UBE2G1: variants seen among roughly 807,000 people sequenced by gnomAD.
The protein encoded by UBE2G1 is ubiquitin conjugating enzyme E2 G1.
A neutral mutation model predicts 22.7 loss-of-function variants in UBE2G1; 5 were observed. That is an observed-to-expected ratio of 0.22 (90% CI 0.12 to 0.46). The LOEUF (loss-of-function observed/expected upper bound fraction) is 0.46, where lower values mean the gene tolerates loss of function less well. UBE2G1 is among the 20% of genes least tolerant of loss of function. The pLI is 0.99. For synonymous variants in UBE2G1, 74 were observed against 67.5 expected (o/e 1.10, Z -0.47); for missense variants, 88 against 203.9 (o/e 0.43, Z 3.46).
rs1266574152 is a variant in UBE2G1 at position 4,274,478 on chromosome 17, T to G, written c.*38-1962A>C. On this transcript the variant is annotated intron_variant, in intron 5 of 5. Coordinates refer to ENST00000396981, the MANE Select transcript of UBE2G1 (RefSeq NM_003342.5). ...TCCCAAAGTGCTGGGATTAGAGGCGTGAGCCACCACGCCTGGCCAAATTGA... is the reference window on the plus strand; with the variant it reads ...TCCCAAAGTGCTGGGATTAGAGGCGGGAGCCACCACGCCTGGCCAAATTGA... Among the ~76,000 whole-genome samples, 2 of 152,116 alleles carry G rather than the reference T, an allele frequency of 1.3e-5. 1 individual carries two copies. The highest frequency in any genetic ancestry group is 4.8e-5 in the African/African-American group (2 of 41,430).
Position 4,363,259 on chromosome 17 carries a change from C to A in UBE2G1, c.46+3012G>T, listed in dbSNP as rs189401631. Among the ~76,000 whole-genome samples, 122 of 152,194 alleles carry A rather than the reference C, an allele frequency of 8.0e-4. 3 individuals are homozygous for A. The East Asian group carries it at 0.017, about 21-fold the overall frequency. ...TGTACATTTTGAGCATGTTAATTAA[C>A]ATGCTTCAAATTTTAAAAAAAAATT... On this transcript the variant is annotated intron_variant, in intron 1 of 5. Transcript: ENST00000396981.
chr17:4,334,059 T>C (rs1042934099), intron 1 of UBE2G1, among the ~76,000 whole-genome samples: 2 of 151,946 alleles, frequency 1.3e-5, no homozygotes, highest in East Asian at 3.9e-4. Flanking sequence ...ATGTCAGTTA[T>C]AATTTCCATG....
intron 1 of UBE2G1, among the ~76,000 whole-genome samples, chr17:4,308,135 C>T (rs1969268285): frequency 6.6e-6 from 1 of 152,118 alleles, no homozygotes; most frequent in Non-Finnish European, 1.5e-5. Flanking sequence ...AGGTGGACCA[C>T]CTGAGGTCGA....
chr17:4,274,712 G>A (rs149924777), intron 5 of UBE2G1, among the ~76,000 whole-genome samples: 19 of 152,152 alleles, frequency 1.2e-4, no homozygotes, highest in African/African-American at 4.1e-4. Flanking sequence ...CCAGATACAC[G>A]TATGCACATA....
At chr17:4,350,255 G>A (rs1369435527) in intron 1 of UBE2G1, among the ~76,000 whole-genome samples, 1 of 152,110 alleles carries the variant, frequency 6.6e-6, no homozygotes, top group Non-Finnish European at 1.5e-5. Context: ...GAGGTCAGGA[G>A]TTTAGGACCA....
intron 3 of UBE2G1, among the ~76,000 whole-genome samples, chr17:4,292,201 C>A (rs957736768): frequency 6.6e-6 from 1 of 151,620 alleles, no homozygotes; most frequent in African/African-American, 2.4e-5. Flanking sequence ...TGGCACGCAC[C>A]TGTAATCCCA....
At chr17:4,345,104 G>A (rs8078739) in intron 1 of UBE2G1, among the ~76,000 whole-genome samples, 7,118 of 152,132 alleles carry the variant, frequency 0.047, 597 homozygotes, top group African/African-American at 0.16. Context: ...AGCCCAGAAG[G>A]GACAAGCAGA....
chr17:4,345,526 A>G (rs1969758231), intron 1 of UBE2G1: 1 of 152,246 alleles, frequency 6.6e-6, no homozygotes, highest in Non-Finnish European at 1.5e-5. Flanking sequence ...AAACTTTAAA[A>G]ATCACACATA....
Position 4,332,033 on chromosome 17 carries a change from A to G in UBE2G1, c.47-24910T>C, listed in dbSNP as rs181845705. 9 of 152,306 alleles carry G rather than the reference A, an allele frequency of 5.9e-5. No homozygotes were observed. The East Asian group carries it at 1.7e-3, about 29-fold the overall frequency. The allele number at this position is 152,306 out of a possible 1,614,324, so 9.4% of individuals were successfully genotyped here. ...TTTAAAAAGCAGTTGCCTCTGGGGAATTCTTCATTATCCTTCACTGAATGC... is the reference window on the plus strand; with the variant it reads ...TTTAAAAAGCAGTTGCCTCTGGGGAGTTCTTCATTATCCTTCACTGAATGC... On this transcript the variant is annotated intron_variant, in intron 1 of 5. Transcript: ENST00000396981.
intron 4 of UBE2G1, 130 bp from the exon 5 acceptor site, chr17:4,283,051 G>A (rs1020686930): frequency 2.6e-6 from 2 of 759,856 alleles, no homozygotes; most frequent in Non-Finnish European, 4.1e-6. Flanking sequence ...GAGTTGAAAA[G>A]GTAGAAAGCA....
chr17:4,309,236 G>A (rs1969280764), intron 1 of UBE2G1, among the ~76,000 whole-genome samples: 1 of 152,228 alleles, frequency 6.6e-6, no homozygotes, highest in Admixed American at 6.5e-5. Context: ...TCCAGCCTGG[G>A]TGACAATGCG....
intron 1 of UBE2G1, among the ~76,000 whole-genome samples, chr17:4,312,334 A>G (rs2143742459): frequency 6.6e-6 from 1 of 152,302 alleles, no homozygotes; most frequent in Non-Finnish European, 1.5e-5. Flanking sequence ...TCACCCAAGG[A>G]TAAGCATTAA....
intron 1 of UBE2G1, among the ~76,000 whole-genome samples, chr17:4,322,541 A>G (rs1026155128): frequency 2.0e-5 from 3 of 152,256 alleles, no homozygotes; most frequent in East Asian, 1.9e-4. Flanking sequence ...TGCATGAAAT[A>G]TAACTTCTAC....
At chr17:4,310,794 A>G (rs1390018024) in intron 1 of UBE2G1, among the ~76,000 whole-genome samples, 4 of 152,216 alleles carry the variant, frequency 2.6e-5, no homozygotes, top group Non-Finnish European at 5.9e-5. Context: ...AATTCAAGTA[A>G]TCTTGAAAAG....
At chr17:4,282,067 C>T (rs1330132332) in intron 5 of UBE2G1, among the ~76,000 whole-genome samples, 1 of 151,940 alleles carries the variant, frequency 6.6e-6, no homozygotes, top group East Asian at 1.9e-4. Flanking sequence ...GATAGAAGAC[C>T]AACTTTTTGT....
chr17:4,283,950 C>T (rs911542245), intron 4 of UBE2G1, among the ~76,000 whole-genome samples: 1 of 151,490 alleles, frequency 6.6e-6, no homozygotes, highest in Non-Finnish European at 1.5e-5. Context: ...GAGGTCAGGA[C>T]TTCAAGACCA....
chr17:4,327,182 G>A (rs1225344524), intron 1 of UBE2G1, among the ~76,000 whole-genome samples: 1 of 152,154 alleles, frequency 6.6e-6, no homozygotes, highest in Non-Finnish European at 1.5e-5. Context: ...GTTAATCCCA[G>A]CTACTCGGGA....
At chr17:4,356,391 C>T (rs1003263213) in intron 1 of UBE2G1, among the ~76,000 whole-genome samples, 8 of 152,020 alleles carry the variant, frequency 5.3e-5, no homozygotes, top group African/African-American at 1.7e-4. Flanking sequence ...AAATAAAAAA[C>T]GTTGTTTACA....
chr17:4,358,442 T>C (rs1422973612), intron 1 of UBE2G1, among the ~76,000 whole-genome samples: 1 of 152,062 alleles, frequency 6.6e-6, no homozygotes, highest in African/African-American at 2.4e-5. Context: ...ATTTTGCCCA[T>C]TTTTTTGAAT....
Sources: gnomAD v4.1 joint callset for allele counts (sites outside exome capture counted in the v4.1 genomes callset) on GRCh38, gnomAD v4.1.1 for gene constraint, MANE v1.5 for transcripts, NCBI Gene and HGNC (gene_info 2026-07-23, HGNC 2026-07-21) for gene names.